The following VWA8 variants were observed in gnomAD, a reference collection of about 807,000 sequenced individuals.
VWA8 encodes von Willebrand factor A domain containing 8.
In VWA8, 221 loss-of-function variants were observed where a neutral mutation model predicts 241.5. That is an observed-to-expected ratio of 0.91 (90% CI 0.82 to 1.02). VWA8 has a LOEUF of 1.02. Among genes scored for constraint, VWA8 ranks in the 50% least tolerant of loss-of-function variants. The pLI is 0.00. For synonymous variants in VWA8, 852 were observed against 827.1 expected (o/e 1.03, Z -0.52); for missense variants, 2,322 against 2,328.7 (o/e 1.00, Z 0.06).
At chr13:41,806,883 A>AG (rs1237684192) in intron 17 of VWA8, among the ~76,000 whole-genome samples, 1 of 152,058 alleles carries the variant, frequency 6.6e-6, no homozygotes, top group Non-Finnish European at 1.5e-5. Flanking sequence ...TCTCAAAAAA[A>AG]AAAAAAAGGA....
chr13:41,794,882 T>C (rs1315100366), intron 17 of VWA8, among the ~76,000 whole-genome samples: 2 of 152,056 alleles, frequency 1.3e-5, no homozygotes, highest in Non-Finnish European at 2.9e-5. Context: ...ATTCAGGACA[T>C]AGGCACAGGC....
chr13:41,787,043 G>C (rs971598491), intron 18 of VWA8, among the ~76,000 whole-genome samples: 1 of 150,736 alleles, frequency 6.6e-6, no homozygotes, highest in Non-Finnish European at 1.5e-5. Flanking sequence ...ATATCTTATA[G>C]GACATCGCTG....
At chr13:41,895,898 A>C (rs1344506662) in intron 4 of VWA8, among the ~76,000 whole-genome samples, 1 of 151,246 alleles carries the variant, frequency 6.6e-6, no homozygotes, top group Non-Finnish European at 1.5e-5. Context: ...TCTCCCAAAA[A>C]ATCTTAATGT....
chr13:41,881,739 C>CT, intron 9 of VWA8, among the ~76,000 whole-genome samples: 1 of 145,392 alleles, frequency 6.9e-6, no homozygotes, highest in Non-Finnish European at 1.5e-5. Context: ...CTGACCCCCC[C>CT]ACCTCCCTCC....
chr13:41,810,312 G>C (rs961402871), intron 17 of VWA8, among the ~76,000 whole-genome samples: 7 of 152,080 alleles, frequency 4.6e-5, no homozygotes, highest in African/African-American at 1.7e-4. Flanking sequence ...ATATTGAAGA[G>C]AGGTCTGTGC....
intron 3 of VWA8, among the ~76,000 whole-genome samples, chr13:41,911,087 G>A (rs1465950380): frequency 6.9e-6 from 1 of 145,680 alleles, no homozygotes; most frequent in Non-Finnish European, 1.5e-5. Context: ...TTTTTGAGAC[G>A]GAGTCTCACT....
intron 20 of VWA8, among the ~76,000 whole-genome samples, chr13:41,770,568 T>C (rs1452172604): frequency 6.6e-6 from 1 of 152,008 alleles, no homozygotes; most frequent in African/African-American, 2.4e-5. Context: ...GTAGACAAGA[T>C]AGAGCCACTT....
chr13:41,652,752 A>G (rs2044877502), intron 37 of VWA8, among the ~76,000 whole-genome samples: 1 of 152,244 alleles, frequency 6.6e-6, no homozygotes, highest in African/African-American at 2.4e-5. Context: ...CCTCACTAAA[A>G]TTTCTGAATT....
intron 40 of VWA8, among the ~76,000 whole-genome samples, chr13:41,600,604 G>A (rs2044515235): frequency 6.6e-6 from 1 of 152,028 alleles, no homozygotes; most frequent in Non-Finnish European, 1.5e-5. Context: ...ACCCTATCTA[G>A]TCCTCACCTT....
chr13:41,833,395 G>A lies in VWA8; in HGVS notation c.1562C>T (p.Ala521Val), dbSNP rs370489685. ...CCTTTGCAATACAGCAAGCGTGCCCGCATTCACCCGGTGAATGCCATCCAG... is the reference window on the plus strand; with the variant it reads ...CCTTTGCAATACAGCAAGCGTGCCCACATTCACCCGGTGAATGCCATCCAG... The part of the protein sequence containing the change: ...VLLDGIHRVN[A>V]GTLAVLQRLI... Residue 521 changes from alanine (A) to valine (V), a missense_variant, in exon 13 of 45, where the codon GCG (alanine) becomes GTG (valine). Ala to Val is a moderately conservative substitution (Grantham distance 64). Coordinates refer to ENST00000379310, the MANE Select transcript of VWA8 (RefSeq NM_015058.2). 1.5e-4 allele frequency: 239 copies of A among 1,612,446 alleles called. No individual in the cohort carries two copies. The highest frequency in any genetic ancestry group is 2.0e-4 in the Non-Finnish European group (230 of 1,179,366).
chr13:41,863,443 A>ACACACACACACACACACAC (rs1873127824), intron 12 of VWA8, among the ~76,000 whole-genome samples: 1 of 110,846 alleles, frequency 9.0e-6, no homozygotes, highest in African/African-American at 3.0e-5. Context: ...GTATATATAT[A>ACACACACACACACACACAC]TATATATATA....
intron 12 of VWA8, among the ~76,000 whole-genome samples, chr13:41,849,767 A>C (rs1484216804): frequency 1.3e-5 from 2 of 152,120 alleles, no homozygotes; most frequent in African/African-American, 2.4e-5. Context: ...GGTGCCTGTA[A>C]TCCCAGCTAC....
intron 18 of VWA8, among the ~76,000 whole-genome samples, chr13:41,785,289 TCAAAATCACCCAGCTAATATGAGTAGAG>T (rs1321391848): frequency 6.6e-6 from 1 of 152,182 alleles, no homozygotes; most frequent in Non-Finnish European, 1.5e-5. Context: ...TGTAATTTGC[TCAAAATCACCCAGCTAATATGAGTAGAG>T]CTTAAAACAA....
chr13:41,765,620 T>C (rs1238414284), intron 20 of VWA8, among the ~76,000 whole-genome samples: 1 of 152,182 alleles, frequency 6.6e-6, no homozygotes, highest in African/African-American at 2.4e-5. Flanking sequence ...TATTTTTCCA[T>C]TATAAAGTTA....
intron 37 of VWA8, among the ~76,000 whole-genome samples, chr13:41,632,356 G>A (rs559355038): frequency 5.3e-5 from 8 of 152,222 alleles, no homozygotes; most frequent in Non-Finnish European, 7.4e-5. Context: ...TAAGGGTACC[G>A]GGAAAAGGGA....
rs368810481 is a variant in VWA8, at chr13:41,763,083, C to T, written c.2350-1879G>A. 2.0e-5 allele frequency among the ~76,000 whole-genome samples: 3 copies of T among 151,916 alleles called. No individual in the cohort carries two copies. In the East Asian group the frequency reaches 5.8e-4, roughly 29 times the overall value. ...AGGAGTTCCAGATCAGCCTGGGCAA[C>T]ACAGTGAGGCCTCATCTCTATAAAA... On this transcript the variant is annotated intron_variant, in intron 20 of 44. Transcript: ENST00000379310.
chr13:41,776,076 T>C (rs1566452547), intron 20 of VWA8, among the ~76,000 whole-genome samples: 1 of 152,150 alleles, frequency 6.6e-6, no homozygotes, highest in South Asian at 2.1e-4. Context: ...TTGGACTCCA[T>C]ACCTTGACCT....
At chr13:41,675,568 AG>A (rs1310721562) in intron 35 of VWA8, among the ~76,000 whole-genome samples, 1 of 151,304 alleles carries the variant, frequency 6.6e-6, no homozygotes, top group East Asian at 1.9e-4. Flanking sequence ...TTGCATTTAC[AG>A]TTTTTTTAAA....
chr13:41,588,762 TCTGTTATTAAATATTTG>T (rs907818770), intron 41 of VWA8, among the ~76,000 whole-genome samples: 3 of 151,946 alleles, frequency 2.0e-5, no homozygotes, highest in East Asian at 1.9e-4. Flanking sequence ...TCCAGATTAT[TCTGTTATTAAATATTTG>T]CTGTTATTAA....
Sources: allele counts gnomAD v4.1 joint callset (sites outside exome capture counted in the v4.1 genomes callset), GRCh38; gene constraint gnomAD v4.1.1; transcripts MANE v1.5; gene names NCBI Gene and HGNC (gene_info 2026-07-23, HGNC 2026-07-21).